RASGRF2: variants seen among roughly 807,000 people sequenced by gnomAD.
RASGRF2 encodes the protein ras-specific guanine nucleotide-releasing factor 2.
Under a neutral mutation model 151.0 loss-of-function variants are expected in RASGRF2, and 76 were observed. The ratio of observed to expected loss-of-function variants is 0.50; its 90% CI spans 0.42 to 0.61. RASGRF2 has a LOEUF of 0.61. RASGRF2 is among the 20% of genes least tolerant of loss of function. The pLI, the probability that RASGRF2 is intolerant of heterozygous loss-of-function variation, is 0.00. For missense variants in RASGRF2, 1,148 were observed against 1,564.6 expected, an observed-to-expected ratio of 0.73 and a Z score of 4.49; for synonymous variants, 504 against 566.5, an observed-to-expected ratio of 0.89 and a Z score of 1.57.
At chr5:81,143,735 C>CA (rs1412104175) in intron 17 of RASGRF2, among the ~76,000 whole-genome samples, 1 of 151,768 alleles carries the variant, frequency 6.6e-6, no homozygotes, top group East Asian at 1.9e-4. Flanking sequence ...ACTAAAAATA[C>CA]AAAAATTAGC....
chr5:81,147,544 G>A (rs930479153), intron 17 of RASGRF2, among the ~76,000 whole-genome samples: 1 of 152,188 alleles, frequency 6.6e-6, no homozygotes, highest in African/African-American at 2.4e-5. Flanking sequence ...ACCCCAACTA[G>A]CCTAACTGAA....
chr5:80,995,082 C>T (rs1748792725), intron 1 of RASGRF2, among the ~76,000 whole-genome samples: 1 of 151,986 alleles, frequency 6.6e-6, no homozygotes, highest in South Asian at 2.1e-4. Flanking sequence ...CGGTGAAACC[C>T]CGTCTCTACT....
chr5:81,018,895 C>T (rs1749731348), intron 1 of RASGRF2, among the ~76,000 whole-genome samples: 1 of 151,642 alleles, frequency 6.6e-6, no homozygotes, highest in Non-Finnish European at 1.5e-5. Context: ...CTCTGCCTCC[C>T]AGGTTAAAGT....
intron 22 of RASGRF2, among the ~76,000 whole-genome samples, chr5:81,209,481 T>G (rs1425770923): frequency 6.6e-6 from 1 of 152,168 alleles, no homozygotes; most frequent in Admixed American, 6.5e-5. Flanking sequence ...GGTAAATTAA[T>G]AAGTGATCTA....
intron 18 of RASGRF2, among the ~76,000 whole-genome samples, chr5:81,200,682 T>C (rs1323447152): frequency 6.6e-6 from 1 of 152,200 alleles, no homozygotes; most frequent in Non-Finnish European, 1.5e-5. Flanking sequence ...AGCCAGGCAA[T>C]TAAATTGGCC....
At chr5:80,976,661 A>T (rs1748124256) in intron 1 of RASGRF2, among the ~76,000 whole-genome samples, 1 of 152,028 alleles carries the variant, frequency 6.6e-6, no homozygotes, top group Non-Finnish European at 1.5e-5. Context: ...CTTGACTTGC[A>T]GCTCAGGCTT....
chr5:81,028,999 A>C (rs1293080160), intron 1 of RASGRF2, among the ~76,000 whole-genome samples: 1 of 152,206 alleles, frequency 6.6e-6, no homozygotes. Context: ...CCAGGAGATT[A>C]TATCCCACGC....
intron 1 of RASGRF2, among the ~76,000 whole-genome samples, chr5:80,965,417 T>C (rs893090598): frequency 1.3e-5 from 2 of 152,314 alleles, no homozygotes; most frequent in Middle Eastern, 3.4e-3. Context: ...ACTTTGTAAT[T>C]ATCCTTCTCT....
At position 81,225,712 on chromosome 5, in the gene RASGRF2, T is replaced by C; in HGVS notation, c.3656T>C (p.Ile1219Thr). The change falls in exon 27 of 27, where the codon ATA becomes ACA. Residue 1219 changes from isoleucine (I) to threonine (T), a missense_variant. Physicochemically the swap from Ile to Thr is moderately conservative, Grantham distance 89. Around this residue, in one of 5 missense-constraint regions of RASGRF2, gnomAD observed 100 missense variants for 148.2 expected, o/e 0.67. Transcript: ENST00000265080. ...TACTTGCTTGACAAAGACCTTATCA[T>C]AGATGAAGATACGCTATATGAGCTG... ...AQYLLDKDLI[I>T]DEDTLYELSL... 6.2e-7 allele frequency: 1 copy of C among 1,612,072 alleles called. No individual in the cohort carries two copies. The highest frequency in any genetic ancestry group is 1.1e-5 in the South Asian group (1 of 90,314).
At chr5:80,980,050 T>G (rs906671159) in intron 1 of RASGRF2, among the ~76,000 whole-genome samples, 1 of 152,232 alleles carries the variant, frequency 6.6e-6, no homozygotes, top group African/African-American at 2.4e-5. Context: ...ATTCTTCCAT[T>G]TGGCTTAGAG....
chr5:81,187,631 C>T (rs971098741), intron 18 of RASGRF2, among the ~76,000 whole-genome samples: 2 of 152,146 alleles, frequency 1.3e-5, no homozygotes, highest in African/African-American at 2.4e-5. Context: ...AATGAGCATC[C>T]GTCTGCTCCA....
intron 17 of RASGRF2, among the ~76,000 whole-genome samples, chr5:81,134,079 C>CATGTGT (rs1554036796): frequency 2.1e-5 from 3 of 143,702 alleles, no homozygotes; most frequent in Non-Finnish European, 4.5e-5. Context: ...TGCTTGTGTG[C>CATGTGT]GTGTGTGTGT....
chr5:81,034,700 CA>C (rs1305780145), intron 1 of RASGRF2, among the ~76,000 whole-genome samples: 1 of 146,696 alleles, frequency 6.8e-6, no homozygotes, highest in East Asian at 2.0e-4. Flanking sequence ...ATCGCAAGAA[CA>C]AAAAACCAAA....
At chr5:81,125,108 A>G (rs1462128941) in intron 16 of RASGRF2, among the ~76,000 whole-genome samples, 1 of 152,150 alleles carries the variant, frequency 6.6e-6, no homozygotes, top group African/African-American at 2.4e-5. Flanking sequence ...GCTGGTCTCA[A>G]ACTCCTGACC....
At chr5:81,212,603 GGA>G (rs1755650734) in intron 23 of RASGRF2, 40 bp downstream of exon 23, 15 of 1,504,230 alleles carry the variant, frequency 1.0e-5, no homozygotes, top group African/African-American at 1.4e-5. Context: ...GCTAAGAGGA[GGA>G]GAGGCTGGGA....
Position 81,094,341 on chromosome 5 carries a change from C to A in RASGRF2, c.1597C>A (p.Pro533Thr), listed in dbSNP as rs1752476620. ...AATAGACTGCACATTGATTGAGGAG[C>A]CAGATGCAAGCGATGATGACTGTAA... The part of the protein sequence containing the change: ...SLIDCTLIEE[P>T]DASDDDSKGS... The change falls in exon 11 of 27, where the codon CCA (proline) becomes ACA (threonine). Residue 533 changes from proline (P) to threonine (T), a missense_variant. By Grantham distance (38) the Pro-to-Thr change is conservative (BLOSUM62 -1). Transcript: ENST00000265080. 6.2e-7 allele frequency: 1 copy of A among 1,613,100 alleles called. No individual in the cohort carries two copies. The highest frequency in any genetic ancestry group is 1.7e-5 in the Admixed American group (1 of 59,978).
intron 2 of RASGRF2, among the ~76,000 whole-genome samples, chr5:81,065,222 T>G (rs1265684374): frequency 1.3e-5 from 2 of 152,224 alleles, no homozygotes; most frequent in African/African-American, 4.8e-5. Flanking sequence ...TAAATATATG[T>G]TGATTTAAGA....
At chr5:81,141,184 A>G (rs1753876237) in intron 17 of RASGRF2, among the ~76,000 whole-genome samples, 2 of 152,172 alleles carry the variant, frequency 1.3e-5, no homozygotes, top group Admixed American at 1.3e-4. Context: ...TTGTAGGTTG[A>G]TACAGCTAAG....
At chr5:80,978,276 A>G (rs1748191195) in intron 1 of RASGRF2, among the ~76,000 whole-genome samples, 1 of 152,208 alleles carries the variant, frequency 6.6e-6, no homozygotes, top group Non-Finnish European at 1.5e-5. Context: ...TCCTTTTAGT[A>G]TAAAGTACCG....
Sources: allele counts gnomAD v4.1 joint callset (sites outside exome capture counted in the v4.1 genomes callset), GRCh38; gene constraint gnomAD v4.1.1; regional missense constraint gnomAD v4.1.1; transcripts MANE v1.5; gene names NCBI Gene and HGNC (gene_info 2026-07-23, HGNC 2026-07-21).